Variants in PHF3 observed in about 807,000 individuals in gnomAD.
PHF3 encodes the protein PHD finger protein 3.
In PHF3, 41 loss-of-function variants were observed where a neutral mutation model predicts 178.4. That is an observed-to-expected ratio of 0.23 (90% CI 0.18 to 0.30). The LOEUF is 0.30. PHF3 is among the 10% of genes least tolerant of loss of function. The pLI, the probability that PHF3 is intolerant of heterozygous loss-of-function variation, is 1.00. For missense variants in PHF3, 2,346 were observed against 2,398.1 expected, an observed-to-expected ratio of 0.98 and a Z score of 0.45; for synonymous variants, 842 against 800.5, an observed-to-expected ratio of 1.05 and a Z score of -0.88.
At chr6:63,689,799 T>C (rs1766916363) in intron 4 of PHF3, among the ~76,000 whole-genome samples, 1 of 152,138 alleles carries the variant, frequency 6.6e-6, no homozygotes, top group South Asian at 2.1e-4. Flanking sequence ...ATTTTGACCT[T>C]TAGGTTTGGA....
chr6:63,682,506 T>TA (rs1286464083), intron 3 of PHF3, among the ~76,000 whole-genome samples: 1 of 152,158 alleles, frequency 6.6e-6, no homozygotes, highest in Non-Finnish European at 1.5e-5. Flanking sequence ...GTCCCGCTGT[T>TA]ATAGCTTCAG....
At position 63,685,249 on chromosome 6, in the gene PHF3, T is replaced by C. The variant is rs766667301; in HGVS notation, c.1527T>C (p.Ile509=). 2.5e-6 allele frequency: 4 copies of C among 1,613,974 alleles called. No homozygotes were observed. In the Admixed American group the frequency reaches 5.0e-5, roughly 20 times the overall value. Residue 509 remains isoleucine, a synonymous_variant, in exon 4 of 16, where the codon ATT becomes ATC. Coordinates refer to ENST00000262043, the MANE Select transcript of PHF3 (RefSeq NM_001370348.2). ...TGACCACAGATGCTCCGAAGAAAAT[T>C]GTTGCAGCAAAGTATGAAGTAATAC... The part of the protein sequence containing the change: ...QNMTTDAPKK[I]VAAKYEVIHS...
chr6:63,697,736 T>C (rs1430890641), intron 6 of PHF3, among the ~76,000 whole-genome samples: 2 of 152,212 alleles, frequency 1.3e-5, no homozygotes, highest in Non-Finnish European at 2.9e-5. Flanking sequence ...TTAAGAATTG[T>C]TGGCATGAGG....
At position 63,721,726 on chromosome 6, in the gene PHF3, T is replaced by G. The variant is rs1244975432; in HGVS notation, c.*8018T>G. 1 of 1,550,976 alleles carries G rather than the reference T, an allele frequency of 6.4e-7. No homozygotes were observed. The highest frequency in any genetic ancestry group is 2.0e-5 in the Admixed American group (1 of 50,968). On this transcript the variant is annotated 3_prime_UTR_variant, in exon 16 of 16. Transcript: ENST00000262043. Reference sequence around the variant, plus strand: ...GTTACTTTTTGGAGAGTTTCTAGAATGATAGTTCTGTCGCCAAGGTTGTAG... The same window carrying G: ...GTTACTTTTTGGAGAGTTTCTAGAAGGATAGTTCTGTCGCCAAGGTTGTAG...
In PHF3 at chr6:63,721,654, C is replaced by T. The variant is rs1319520589; in HGVS notation, c.*7946C>T. The T allele has an allele frequency of 3.2e-6, 5 of 1,551,424 alleles. No individual in the cohort carries two copies. The highest frequency in any genetic ancestry group is 4.4e-6 in the Non-Finnish European group (5 of 1,146,738). ...CCATCTAGATCCAGGTAGCCTTCTGCACCAACTCTTCCTGCTTTTATTATA... is the reference window on the plus strand; with the variant it reads ...CCATCTAGATCCAGGTAGCCTTCTGTACCAACTCTTCCTGCTTTTATTATA... On this transcript the variant is annotated 3_prime_UTR_variant, in exon 16 of 16. Transcript: ENST00000262043.
intron 1 of PHF3, among the ~76,000 whole-genome samples, chr6:63,642,239 A>G (rs1764606904): frequency 6.6e-6 from 1 of 152,202 alleles, no homozygotes; most frequent in African/African-American, 2.4e-5. Flanking sequence ...TGCCTAGAAT[A>G]TCCTCTGGAC....
intron 2 of PHF3, among the ~76,000 whole-genome samples, chr6:63,649,327 A>G (rs1470828763): frequency 1.3e-5 from 2 of 152,164 alleles, no homozygotes; most frequent in East Asian, 3.8e-4. Flanking sequence ...AGCTGTTTTT[A>G]AATAAAAACA....
chr6:63,682,245 C>G (rs141841985), intron 3 of PHF3, among the ~76,000 whole-genome samples: 1 of 152,166 alleles, frequency 6.6e-6, no homozygotes, highest in African/African-American at 2.4e-5. Context: ...TTTTAAAGAG[C>G]TTTCAGCCCT....
Position 63,691,534 on chromosome 6 carries a change from T to G in PHF3, c.2190-203T>G, listed in dbSNP as rs1352437669. Among the ~76,000 whole-genome samples, 3 of 152,182 alleles carry G rather than the reference T, an allele frequency of 2.0e-5. No homozygotes were observed. In the East Asian group the frequency reaches 5.8e-4, roughly 29 times the overall value. On this transcript the variant is annotated intron_variant, in intron 4 of 15. Coordinates refer to ENST00000262043, the MANE Select transcript of PHF3 (RefSeq NM_001370348.2). Reference sequence around the variant, plus strand: ...TCTCATTCATACCAGAGGAGAAATATTTGAGGTCTTAAAGGTATCATTTTA... The same window carrying G: ...TCTCATTCATACCAGAGGAGAAATAGTTGAGGTCTTAAAGGTATCATTTTA...
rs774095026 is a variant in PHF3, at chr6:63,684,588, C to T, written c.866C>T (p.Ser289Leu). The T allele has an allele frequency of 6.2e-7, 1 of 1,613,772 alleles. No individual in the cohort carries two copies. Among genetic ancestry groups the T allele is most frequent in the East Asian group, 2.2e-5 (1 of 44,856 alleles). Residue 289 changes from serine (S) to leucine (L), a missense_variant, in exon 4 of 16, where the codon TCA becomes TTA. By Grantham distance (145) the Ser-to-Leu change is moderately radical (BLOSUM62 -2). Coordinates refer to ENST00000262043, the MANE Select transcript of PHF3 (RefSeq NM_001370348.2). ...KPVGSPLFKF[S>L]DKEEHEQNDS... is the part of the protein sequence containing the mutation. ...GTTGGTAGTCCATTGTTTAAGTTTT[C>T]AGATAAAGAAGAACATGAACAAAAT...
In PHF3 at chr6:63,713,413, A is replaced by G; in HGVS notation, c.5825A>G (p.Glu1942Gly). 2.5e-6 allele frequency: 4 copies of G among 1,614,020 alleles called. No individual in the cohort carries two copies. Among genetic ancestry groups the G allele is most frequent in the Non-Finnish European group, 3.4e-6 (4 of 1,179,962 alleles). ...CGACATGAAAAGGAATGGGAGCAAG[A>G]ATCTGAAAGGCATAGACGCAGAGAC... ...RERHEKEWEQESERHRRRDRS... is the reference protein window; with the variant it reads ...RERHEKEWEQGSERHRRRDRS... Residue 1942 changes from glutamate (E) to glycine (G), a missense_variant, in exon 16 of 16, where the codon GAA becomes GGA. Transcript: ENST00000262043.
intron 1 of PHF3, among the ~76,000 whole-genome samples, chr6:63,638,254 T>C (rs1185145090): frequency 6.6e-6 from 1 of 152,090 alleles, no homozygotes; most frequent in African/African-American, 2.4e-5. Flanking sequence ...CTTATAAAAG[T>C]TGGGAGGCAG....
At chr6:63,665,847 ATATT>A (rs1270826060) in intron 2 of PHF3, among the ~76,000 whole-genome samples, 3 of 152,296 alleles carry the variant, frequency 2.0e-5, no homozygotes, top group East Asian at 1.9e-4. Context: ...AAAAGGAACT[ATATT>A]TATATTAATG....
At chr6:63,698,738 A>G (rs958960065) in intron 8 of PHF3, 133 bp downstream of exon 8, 1 of 580,340 alleles carries the variant, frequency 1.7e-6, no homozygotes, top group African/African-American at 1.9e-5. Flanking sequence ...TAGAACATGT[A>G]ATTTTAATAG....
At chr6:63,671,451 T>C (rs1765912484) in intron 2 of PHF3, among the ~76,000 whole-genome samples, 1 of 152,138 alleles carries the variant, frequency 6.6e-6, no homozygotes, top group Non-Finnish European at 1.5e-5. Context: ...TGTAAGGTGA[T>C]AGAAAATGTC....
At chr6:63,641,522 G>A (rs577479692) in intron 1 of PHF3, among the ~76,000 whole-genome samples, 1 of 113,862 alleles carries the variant, frequency 8.8e-6, no homozygotes, top group Non-Finnish European at 1.7e-5. Context: ...TTATTGTTAG[G>A]TGTGTATGTG....
intron 1 of PHF3, among the ~76,000 whole-genome samples, chr6:63,645,390 T>C (rs1271693507): frequency 6.6e-6 from 1 of 152,206 alleles, no homozygotes; most frequent in African/African-American, 2.4e-5. Context: ...CTGTTTATTA[T>C]TGGGGCTTAA....
At chr6:63,657,380 A>G (rs187728864) in intron 2 of PHF3, among the ~76,000 whole-genome samples, 4 of 152,224 alleles carry the variant, frequency 2.6e-5, no homozygotes, top group Admixed American at 2.0e-4. Flanking sequence ...TCTTCCCCCA[A>G]ACTTAAGTAC....
chr6:63,644,060 G>C (rs1764683068), intron 1 of PHF3, among the ~76,000 whole-genome samples: 1 of 152,168 alleles, frequency 6.6e-6, no homozygotes, highest in Non-Finnish European at 1.5e-5. Context: ...ACAACAGGAA[G>C]ACCTCATAGG....
Sources: allele counts gnomAD v4.1 joint callset (sites outside exome capture counted in the v4.1 genomes callset), GRCh38; gene constraint gnomAD v4.1.1; transcripts MANE v1.5; gene names NCBI Gene and HGNC (gene_info 2026-07-23, HGNC 2026-07-21).